Variants in SLC44A5 observed in about 807,000 individuals in gnomAD.
SLC44A5 encodes solute carrier family 44 member 5.
Under a neutral mutation model 101.8 loss-of-function variants are expected in SLC44A5, and 57 were observed. That is an observed-to-expected ratio of 0.56 (90% CI 0.45 to 0.70). The LOEUF is 0.70. Ranked by LOEUF, SLC44A5 falls within the 30% of genes least tolerant of loss-of-function variation. SLC44A5 has a pLI of 0.00. For synonymous variants in SLC44A5, 281 were observed against 290.9 expected (o/e 0.97, Z 0.35); for missense variants, 737 against 853.1 (o/e 0.86, Z 1.70).
At chr1:75,551,417 T>C (rs1274092364) in intron 1 of SLC44A5, among the ~76,000 whole-genome samples, 1 of 152,130 alleles carries the variant, frequency 6.6e-6, no homozygotes, top group Admixed American at 6.6e-5. Context: ...CTTCTAATTT[T>C]ATGCTTTCTT....
chr1:75,649,016 A>T, the SLC44A5 span, among the ~76,000 whole-genome samples: 1 of 152,178 alleles, frequency 6.6e-6, no homozygotes, highest in African/African-American at 2.4e-5. Context: ...TTTTGTCAAT[A>T]GATGCTCTTG....
the SLC44A5 span, among the ~76,000 whole-genome samples, chr1:75,682,750 C>T: frequency 6.6e-6 from 1 of 151,562 alleles, no homozygotes; most frequent in Non-Finnish European, 1.5e-5. Flanking sequence ...CCAAAATTGA[C>T]AAATGGGATC....
intron 11 of SLC44A5, among the ~76,000 whole-genome samples, 179 bp downstream of exon 11, chr1:75,236,808 T>C (rs1056127762): frequency 6.6e-6 from 1 of 152,072 alleles, no homozygotes; most frequent in Non-Finnish European, 1.5e-5. Flanking sequence ...AAATATCTTT[T>C]CCCTGTCTCA....
chr1:75,360,261 A>T (rs1470405447), intron 3 of SLC44A5, among the ~76,000 whole-genome samples: 1 of 152,092 alleles, frequency 6.6e-6, no homozygotes, highest in Non-Finnish European at 1.5e-5. Flanking sequence ...GTGTCATGGA[A>T]ATTTTCTTCT....
At chr1:75,618,291 A>G in the SLC44A5 span, among the ~76,000 whole-genome samples, 403 of 152,332 alleles carry the variant, frequency 2.6e-3, no homozygotes, top group Non-Finnish European at 5.0e-3. Context: ...CATTATCTCA[A>G]TTAAGGTCAT....
rs901766225 is a variant in SLC44A5, at chr1:75,218,676, A to C, written c.1343T>G (p.Leu448Trp). 2 of 1,613,642 alleles carry C rather than the reference A, an allele frequency of 1.2e-6. No homozygotes were observed. The change falls in exon 17 of 24, where the codon TTG becomes TGG. Residue 448 changes from leucine to tryptophan, a missense_variant. Physicochemically the swap from Leu to Trp is moderately conservative, Grantham distance 61 (BLOSUM62 -2). Transcript: ENST00000370859. ...CNFAFYGGKS[L>W]YHQYIPTFHV... ...GAAGGTAGGGATGTACTGATGGTAC[A>C]AGCTCTTTCCACCATAGAAAGCAAA...
intron 1 of SLC44A5, among the ~76,000 whole-genome samples, chr1:75,555,434 C>A (rs934170736): frequency 7.0e-6 from 1 of 142,984 alleles, no homozygotes; most frequent in South Asian, 2.2e-4. Context: ...ATAATTTATA[C>A]CTAAACAAAA....
intron 2 of SLC44A5, among the ~76,000 whole-genome samples, chr1:75,445,480 CTATATAAAA>C (rs1245203443): frequency 7.9e-6 from 1 of 126,816 alleles, no homozygotes; most frequent in Non-Finnish European, 1.7e-5. Flanking sequence ...CCAATCCTTA[CTATATAAAA>C]TATATATAAT....
chr1:75,631,344 G>T, the SLC44A5 span, among the ~76,000 whole-genome samples: 11 of 151,982 alleles, frequency 7.2e-5, no homozygotes, highest in South Asian at 1.9e-3. Context: ...TACTGCTAGG[G>T]TATCTGTGAC....
At chr1:75,685,291 T>C in the SLC44A5 span, among the ~76,000 whole-genome samples, 1 of 152,128 alleles carries the variant, frequency 6.6e-6, no homozygotes, top group African/African-American at 2.4e-5. Flanking sequence ...CCTGGAAACA[T>C]TTTCCCCATT....
intron 6 of SLC44A5, among the ~76,000 whole-genome samples, chr1:75,266,786 A>G (rs1425779504): frequency 6.6e-6 from 1 of 152,228 alleles, no homozygotes; most frequent in Non-Finnish European, 1.5e-5. Flanking sequence ...ACAGTGAAAA[A>G]GACAGAGAAT....
At chr1:75,281,924 G>T (rs1010486156) in intron 5 of SLC44A5, among the ~76,000 whole-genome samples, 5 of 152,180 alleles carry the variant, frequency 3.3e-5, no homozygotes, top group Non-Finnish European at 7.3e-5. Context: ...CTCTGCTAGG[G>T]CAGTGCAGAA....
the SLC44A5 span, among the ~76,000 whole-genome samples, chr1:75,686,450 G>T: frequency 6.6e-6 from 1 of 152,208 alleles, no homozygotes; most frequent in Non-Finnish European, 1.5e-5. Flanking sequence ...GAGCCTGTTG[G>T]CAAAGGTCAA....
intron 2 of SLC44A5, among the ~76,000 whole-genome samples, chr1:75,414,430 T>G (rs570317429): frequency 9.2e-5 from 14 of 151,882 alleles, no homozygotes; most frequent in Middle Eastern, 3.4e-3. Flanking sequence ...CCAAAAATAT[T>G]TACAGAGTAT....
chr1:75,532,313 A>C (rs570357433), intron 2 of SLC44A5, among the ~76,000 whole-genome samples: 57 of 152,334 alleles, frequency 3.7e-4, no homozygotes, highest in South Asian at 1.0e-3. Flanking sequence ...TGCTGTTTAC[A>C]CTTGCACGTT....
intron 2 of SLC44A5, among the ~76,000 whole-genome samples, chr1:75,492,176 G>A (rs1005029286): frequency 6.6e-6 from 1 of 152,150 alleles, no homozygotes; most frequent in Non-Finnish European, 1.5e-5. Context: ...AAAACATGAT[G>A]AGGAGGTTGG....
intron 11 of SLC44A5, among the ~76,000 whole-genome samples, chr1:75,236,558 T>C (rs936066134): frequency 6.6e-6 from 1 of 151,966 alleles, no homozygotes; most frequent in Non-Finnish European, 1.5e-5. Context: ...GTGGAAGGGA[T>C]GTGTTGAAAA....
At chr1:75,632,535 C>T in the SLC44A5 span, among the ~76,000 whole-genome samples, 2 of 152,102 alleles carry the variant, frequency 1.3e-5, no homozygotes, top group African/African-American at 4.8e-5. Flanking sequence ...ATGCTGCCTC[C>T]CTTCACCCTC....
At chr1:75,700,188 A>C in the SLC44A5 span, among the ~76,000 whole-genome samples, 1 of 152,180 alleles carries the variant, frequency 6.6e-6, no homozygotes, top group African/African-American at 2.4e-5. Flanking sequence ...TCCACCCCGA[A>C]TCAACAGAAT....
Sources: allele counts gnomAD v4.1 joint callset (sites outside exome capture counted in the v4.1 genomes callset), GRCh38; gene constraint gnomAD v4.1.1; transcripts MANE v1.5; gene names NCBI Gene and HGNC (gene_info 2026-07-23, HGNC 2026-07-21).